TMEM245: variants seen among roughly 807,000 people sequenced by gnomAD.
TMEM245 encodes the protein protein CG-2.
TMEM245 carries 69 observed loss-of-function variants against 101.2 expected under a neutral mutation model. The ratio of observed to expected loss-of-function variants is 0.68; its 90% CI spans 0.56 to 0.83. The LOEUF is 0.83. Ranked by LOEUF, TMEM245 falls within the 40% of genes least tolerant of loss-of-function variation. TMEM245 has a pLI of 0.00. For synonymous variants in TMEM245, 537 were observed against 449.8 expected (o/e 1.19, Z -2.45); for missense variants, 1,075 against 1,092.8 (o/e 0.98, Z 0.23).
intron 9 of TMEM245, among the ~76,000 whole-genome samples, chr9:109,067,636 G>C (rs1231709316): frequency 6.6e-6 from 1 of 152,200 alleles, no homozygotes; most frequent in Non-Finnish European, 1.5e-5. Flanking sequence ...GGAATCAACA[G>C]GCTTGAGACA....
In TMEM245 at chr9:109,032,365, CTTTTTTTTTTTTTTTTTTT is replaced by C. The variant is rs755399182; in HGVS notation, c.2594+923_2594+941del. On this transcript the variant is annotated intron_variant, in intron 17 of 17. Transcript: ENST00000374586. The stretch of plus-strand genomic sequence containing the variant: ...GCATTTGGTTGTCCTATTTCTTTTC[CTTTTTTTTTTTTTTTTTTT>C]TTTTTTTTTTTTTTTTTGAGACAAG... Among the ~76,000 whole-genome samples, 146 of 40,986 alleles carry C rather than the reference CTTTTTTTTTTTTTTTTTTT, an allele frequency of 3.6e-3. 1 individual carries two copies. Among genetic ancestry groups the C allele is most frequent in the African/African-American group, 0.012 (124 of 10,208 alleles). The allele number at this position is 40,986 out of a possible 152,430, so 26.9% of individuals were successfully genotyped here.
At chr9:109,101,549 C>A (rs1240831968) in intron 3 of TMEM245, among the ~76,000 whole-genome samples, 1 of 152,116 alleles carries the variant, frequency 6.6e-6, no homozygotes, top group Non-Finnish European at 1.5e-5. Context: ...GAAAAAGAAA[C>A]ACTTAAAAGA....
At chr9:109,083,899 T>TATAAAAAAAAAA (rs1829745048) in intron 7 of TMEM245, among the ~76,000 whole-genome samples, 1 of 2,010 alleles carries the variant, frequency 5.0e-4, no homozygotes, top group Non-Finnish European at 1.1e-3. Flanking sequence ...CTACTAAAAA[T>TATAAAAAAAAAA]ACAAAAAAAA....
At chr9:109,052,291 T>C (rs1486234530) in intron 12 of TMEM245, among the ~76,000 whole-genome samples, 1 of 152,208 alleles carries the variant, frequency 6.6e-6, no homozygotes, top group Non-Finnish European at 1.5e-5. Flanking sequence ...GCAGATGATA[T>C]TATCTCTATT....
intron 10 of TMEM245, 25 bp downstream of exon 10, chr9:109,064,452 C>T (rs776485912): frequency 6.3e-7 from 1 of 1,593,270 alleles, no homozygotes; most frequent in South Asian, 1.1e-5. Flanking sequence ...AAAGAGAAAG[C>T]CACAAAGAAA....
At chr9:109,101,931 C>A (rs1273642197) in intron 3 of TMEM245, among the ~76,000 whole-genome samples, 4 of 152,302 alleles carry the variant, frequency 2.6e-5, no homozygotes. Flanking sequence ...GAAAACCCAA[C>A]CACAACCTTT....
In TMEM245 at chr9:109,119,918, C is replaced by A. The variant is rs950801313; in HGVS notation, c.-5G>T. 3 of 1,283,458 alleles carry A rather than the reference C, an allele frequency of 2.3e-6. No individual in the cohort carries two copies. The highest frequency in any genetic ancestry group is 3.0e-5 in the East Asian group (1 of 33,472). The allele number at this position is 1,283,458 out of a possible 1,614,324, so 79.5% of individuals were successfully genotyped here. ...AGGGCCGCCGCCGTCGGCCATCGTT[C>A]CTCCGCCACAGCCGCCCCCGAGGGG... On this transcript the variant is annotated 5_prime_UTR_variant, in exon 1 of 18. Coordinates refer to ENST00000374586, the MANE Select transcript of TMEM245 (RefSeq NM_032012.4).
In TMEM245 at chr9:109,041,453, A is replaced by ATTTT. The variant is rs1193341550; in HGVS notation, c.2124-3340_2124-3337dup. 8.4e-4 allele frequency among the ~76,000 whole-genome samples: 70 copies of ATTTT among 83,258 alleles called. 7 individuals are homozygous for ATTTT. The highest frequency in any genetic ancestry group is 2.2e-3 in the African/African-American group (44 of 19,990). 54.6% of individuals were successfully genotyped at this position (83,258 alleles called of 152,430 possible). ...GTAGGATGTGGTTGCCATCCTACAA[A>ATTTT]TTTTTTTTTTTTTTTTTTTTTTTTT... On this transcript the variant is annotated intron_variant, in intron 14 of 17. Transcript: ENST00000374586.
chr9:109,070,529 G>A (rs1325792701), intron 9 of TMEM245, among the ~76,000 whole-genome samples: 1 of 151,968 alleles, frequency 6.6e-6, no homozygotes, highest in Non-Finnish European at 1.5e-5. Flanking sequence ...TACAGTTCAG[G>A]GCTTTGTCAC....
chr9:109,103,953 C>T (rs576434903), intron 3 of TMEM245, among the ~76,000 whole-genome samples: 20 of 151,908 alleles, frequency 1.3e-4, no homozygotes, highest in Non-Finnish European at 2.2e-4. Context: ...GGCATGATGG[C>T]GGGTGCCTGG....
intron 3 of TMEM245, among the ~76,000 whole-genome samples, chr9:109,093,992 AG>A (rs1210077216): frequency 6.6e-6 from 1 of 152,236 alleles, no homozygotes; most frequent in Admixed American, 6.5e-5. Flanking sequence ...TGTTAGTACG[AG>A]ATAATCCACA....
At chr9:109,088,430 A>G (rs67780641) in intron 5 of TMEM245, among the ~76,000 whole-genome samples, 65,227 of 151,954 alleles carry the variant, frequency 0.43, 14,267 homozygotes, top group African/African-American at 0.47. Flanking sequence ...GTTAAGCTAT[A>G]ACTAAGAGAA....
chr9:109,049,886 C>T (rs1352706490), intron 14 of TMEM245, among the ~76,000 whole-genome samples: 1 of 152,124 alleles, frequency 6.6e-6, no homozygotes, highest in Non-Finnish European at 1.5e-5. Context: ...CCTCAAGTTC[C>T]TCAAGCAAGC....
chr9:109,031,733 T>C (rs1728473012), intron 17 of TMEM245, among the ~76,000 whole-genome samples: 1 of 152,198 alleles, frequency 6.6e-6, no homozygotes, highest in South Asian at 2.1e-4. Context: ...TAGAGGTACA[T>C]TTGGCTATTT....
At chr9:109,100,557 C>T (rs754606232) in intron 3 of TMEM245, among the ~76,000 whole-genome samples, 6 of 151,962 alleles carry the variant, frequency 3.9e-5, no homozygotes, top group Non-Finnish European at 8.8e-5. Context: ...ACTATCTTGA[C>T]CAGGCAAGGT....
intron 3 of TMEM245, among the ~76,000 whole-genome samples, chr9:109,097,139 T>G (rs958155281): frequency 6.6e-6 from 1 of 152,186 alleles, no homozygotes; most frequent in Non-Finnish European, 1.5e-5. Context: ...ATGCCATCCT[T>G]TAAATCCATT....
chr9:109,118,696 T>C (rs1830798938), intron 1 of TMEM245, among the ~76,000 whole-genome samples: 1 of 152,170 alleles, frequency 6.6e-6, no homozygotes, highest in African/African-American at 2.4e-5. Context: ...AGCAGTTACC[T>C]AAAAGTAAAG....
chr9:109,101,157 A>C (rs992802988), intron 3 of TMEM245, among the ~76,000 whole-genome samples: 11 of 152,286 alleles, frequency 7.2e-5, no homozygotes, highest in African/African-American at 2.4e-4. Context: ...ATAGAAGAGT[A>C]CTCTGGGTCT....
chr9:109,103,615 G>A (rs1018654959), intron 3 of TMEM245, among the ~76,000 whole-genome samples: 1 of 152,128 alleles, frequency 6.6e-6, no homozygotes, highest in Admixed American at 6.5e-5. Flanking sequence ...TATAAGCTAA[G>A]TGAGACAAAC....
Sources: allele counts gnomAD v4.1 joint callset (sites outside exome capture counted in the v4.1 genomes callset), GRCh38; gene constraint gnomAD v4.1.1; transcripts MANE v1.5; gene names NCBI Gene and HGNC (gene_info 2026-07-23, HGNC 2026-07-21).